DOK5: variants seen among roughly 807,000 people sequenced by gnomAD.
DOK5 encodes docking protein 5, also known as downstream of tyrosine kinase 5.
In DOK5, 27 loss-of-function variants were observed where a neutral mutation model predicts 43.3. That is an observed-to-expected ratio of 0.62 (90% CI 0.46 to 0.86). The LOEUF (loss-of-function observed/expected upper bound fraction) is 0.86, where lower values mean the gene tolerates loss of function less well. Ranked by LOEUF, DOK5 falls within the 40% of genes least tolerant of loss-of-function variation. DOK5 has a pLI of 0.00. For missense variants in DOK5, 373 were observed against 392.9 expected (o/e 0.95, Z 0.43); for synonymous variants, 146 against 140.1 (o/e 1.04, Z -0.30).
intron 2 of DOK5, among the ~76,000 whole-genome samples, chr20:54,568,744 C>T (rs964489146): frequency 1.3e-5 from 2 of 151,948 alleles, no homozygotes; most frequent in Non-Finnish European, 2.9e-5. Context: ...TCCTGGCTAA[C>T]ATGATGAAAC....
chr20:54,613,508 G>A (rs1986717401), intron 6 of DOK5, among the ~76,000 whole-genome samples: 1 of 152,108 alleles, frequency 6.6e-6, no homozygotes, highest in Admixed American at 6.6e-5. Flanking sequence ...GAACATACCT[G>A]TTTCTCACTT....
At chr20:54,534,051 G>T (rs6098051) in intron 1 of DOK5, among the ~76,000 whole-genome samples, 31 of 152,280 alleles carry the variant, frequency 2.0e-4, no homozygotes, top group Non-Finnish European at 4.0e-4. Context: ...AATTCAAAAA[G>T]AAAATAGCCA....
At chr20:54,540,427 G>C (rs1278327211) in intron 1 of DOK5, among the ~76,000 whole-genome samples, 2 of 152,174 alleles carry the variant, frequency 1.3e-5, no homozygotes, top group Non-Finnish European at 2.9e-5. Context: ...TGTTGCCCTT[G>C]TTTGCATGCA....
intron 6 of DOK5, among the ~76,000 whole-genome samples, chr20:54,623,318 C>T (rs988626344): frequency 5.9e-5 from 9 of 152,080 alleles, no homozygotes; most frequent in Admixed American, 2.6e-4. Context: ...AGGTTGAGAA[C>T]GCTTGCTCTT....
chr20:54,635,791 C>G (rs1217267526), intron 6 of DOK5, among the ~76,000 whole-genome samples: 2 of 152,114 alleles, frequency 1.3e-5, no homozygotes, highest in Non-Finnish European at 2.9e-5. Context: ...TTTGACAGTA[C>G]CCTCTAGGCC....
At chr20:54,492,412 C>T (rs1483783565) in intron 1 of DOK5, among the ~76,000 whole-genome samples, 2 of 152,086 alleles carry the variant, frequency 1.3e-5, no homozygotes, top group East Asian at 3.8e-4. Context: ...GGTCAATATT[C>T]ATTTTTTTCT....
At chr20:54,620,466 T>G (rs987246896) in intron 6 of DOK5, among the ~76,000 whole-genome samples, 1 of 152,208 alleles carries the variant, frequency 6.6e-6, no homozygotes, top group Non-Finnish European at 1.5e-5. Context: ...CTCAAACTCC[T>G]GACCTCAAGT....
intron 5 of DOK5, among the ~76,000 whole-genome samples, chr20:54,599,357 AT>A (rs563980160): frequency 4.8e-4 from 73 of 152,372 alleles, no homozygotes; most frequent in Admixed American, 3.4e-3. Context: ...AATAATTTTA[AT>A]TACAAAGATA....
At chr20:54,503,892 A>G (rs1982705326) in intron 1 of DOK5, among the ~76,000 whole-genome samples, 1 of 152,172 alleles carries the variant, frequency 6.6e-6, no homozygotes, top group African/African-American at 2.4e-5. Flanking sequence ...CTGATTTTCA[A>G]AGCCCCCAAT....
At chr20:54,611,878 G>A (rs1454413952) in intron 6 of DOK5, among the ~76,000 whole-genome samples, 3 of 152,182 alleles carry the variant, frequency 2.0e-5, no homozygotes, top group Non-Finnish European at 2.9e-5. Flanking sequence ...CCCAAATGAC[G>A]TCTATAGGCA....
chr20:54,613,783 C>T (rs1237937618), intron 6 of DOK5, among the ~76,000 whole-genome samples: 1 of 152,018 alleles, frequency 6.6e-6, no homozygotes, highest in African/African-American at 2.4e-5. Flanking sequence ...CACTTGAGAC[C>T]AGAAGTTTGA....
chr20:54,479,448 C>T (rs1981577583), intron 1 of DOK5, among the ~76,000 whole-genome samples: 1 of 152,072 alleles, frequency 6.6e-6, no homozygotes, highest in Admixed American at 6.5e-5. Flanking sequence ...CTAAAAATTT[C>T]TTTTTAGGGG....
At chr20:54,528,057 AG>A (rs1983637393) in intron 1 of DOK5, among the ~76,000 whole-genome samples, 5 of 152,190 alleles carry the variant, frequency 3.3e-5, no homozygotes, top group Admixed American at 2.0e-4. Context: ...AAATACAAAA[AG>A]TTAGTTGGGC....
chr20:54,499,885 C>T (rs1052202375), intron 1 of DOK5, among the ~76,000 whole-genome samples: 2 of 152,158 alleles, frequency 1.3e-5, no homozygotes, highest in Non-Finnish European at 2.9e-5. Flanking sequence ...TTGCTCACCT[C>T]GGAACAGGAG....
chr20:54,495,569 A>T (rs1384103839), intron 1 of DOK5, among the ~76,000 whole-genome samples: 2 of 152,234 alleles, frequency 1.3e-5, no homozygotes, highest in Non-Finnish European at 2.9e-5. Flanking sequence ...TACGCTCACA[A>T]GCAGATATTT....
chr20:54,525,253 A>G (rs1348876258), intron 1 of DOK5, among the ~76,000 whole-genome samples: 9 of 152,226 alleles, frequency 5.9e-5, no homozygotes, highest in Non-Finnish European at 8.8e-5. Context: ...CACCTGATTA[A>G]CTAGCGGGTA....
At chr20:54,569,296 A>G (rs1280229063) in intron 2 of DOK5, among the ~76,000 whole-genome samples, 2 of 152,318 alleles carry the variant, frequency 1.3e-5, no homozygotes, top group East Asian at 3.9e-4. Context: ...GATAAATTAT[A>G]TGATCACACG....
Position 54,591,701 on chromosome 20 carries a change from T to C in DOK5, c.495T>C (p.Cys165=). 2 of 1,614,246 alleles carry C rather than the reference T, an allele frequency of 1.2e-6. No homozygotes were observed. The highest frequency in any genetic ancestry group is 1.7e-6 in the Non-Finnish European group (2 of 1,180,036). ...TGCAGATTACATATGAGTATATCTGTCTTTGGGACGTCCAGAATCCCAGAG... is the reference window on the plus strand; with the variant it reads ...TGCAGATTACATATGAGTATATCTGCCTTTGGGACGTCCAGAATCCCAGAG... The part of the protein sequence containing the change: ...CALQITYEYI[C]LWDVQNPRVK... The change falls in exon 5 of 8, where the codon TGT becomes TGC. Residue 165 remains cysteine (C), a synonymous_variant. Coordinates refer to ENST00000262593, the MANE Select transcript of DOK5 (RefSeq NM_018431.5).
At chr20:54,498,932 C>G (rs1005826635) in intron 1 of DOK5, among the ~76,000 whole-genome samples, 1 of 152,144 alleles carries the variant, frequency 6.6e-6, no homozygotes, top group Non-Finnish European at 1.5e-5. Flanking sequence ...CTATATGCAT[C>G]AGCATTCTGA....
Sources: gnomAD v4.1 joint callset for allele counts (sites outside exome capture counted in the v4.1 genomes callset) on GRCh38, gnomAD v4.1.1 for gene constraint, MANE v1.5 for transcripts, NCBI Gene and HGNC (gene_info 2026-07-23, HGNC 2026-07-21) for gene names.